Variants in DGKB observed in about 807,000 individuals in gnomAD.
DGKB encodes 90 kDa diacylglycerol kinase.
DGKB carries 67 observed loss-of-function variants against 114.3 expected under a neutral mutation model. The ratio of observed to expected loss-of-function variants is 0.59; its 90% CI spans 0.48 to 0.72. DGKB has a LOEUF of 0.72. DGKB is among the 30% of genes least tolerant of loss of function. The pLI, the probability that DGKB is intolerant of heterozygous loss-of-function variation, is 0.00. For synonymous variants in DGKB, 398 were observed against 323.1 expected (o/e 1.23, Z -2.49); for missense variants, 907 against 975.2 (o/e 0.93, Z 0.93).
At chr7:14,789,485 A>C (rs1840362388) in intron 2 of DGKB, among the ~76,000 whole-genome samples, 1 of 152,160 alleles carries the variant, frequency 6.6e-6, no homozygotes, top group African/African-American at 2.4e-5. Context: ...GTCCTTAAGC[A>C]TTCACCAGTT....
At chr7:14,291,358 T>C (rs887317110) in intron 23 of DGKB, among the ~76,000 whole-genome samples, 1 of 152,158 alleles carries the variant, frequency 6.6e-6, no homozygotes, top group African/African-American at 2.4e-5. Context: ...CAACTTCCTT[T>C]CTTGCAAATT....
intron 2 of DGKB, among the ~76,000 whole-genome samples, chr7:14,807,589 ATTG>A (rs1302167814): frequency 6.6e-6 from 1 of 152,014 alleles, no homozygotes; most frequent in African/African-American, 2.4e-5. Context: ...TAAGATCAGT[ATTG>A]TTGTGTTTCA....
At chr7:14,363,159 A>G (rs1019906) in intron 21 of DGKB, among the ~76,000 whole-genome samples, 76,465 of 152,028 alleles carry the variant, frequency 0.5, 20,807 homozygotes, top group African/African-American at 0.72. Context: ...AAACTGCCAG[A>G]CTAATTGACA....
chr7:14,875,519 G>A (rs1445973056), intron 1 of DGKB, among the ~76,000 whole-genome samples: 2 of 152,108 alleles, frequency 1.3e-5, no homozygotes, highest in Non-Finnish European at 2.9e-5. Flanking sequence ...AATGTCTTTT[G>A]CTTTCACCTT....
chr7:14,176,826 A>G lies in DGKB; in HGVS notation c.2304+13T>C. The stretch of plus-strand genomic sequence containing the variant: ...CTGAGATTGACATAGCATATCAACT[A>G]CTCTGTACTCACTGTGCATGGGGTC... On this transcript the variant is annotated intron_variant, in intron 25 of 25. Transcript: ENST00000402815. 1 of 1,613,478 alleles carries G rather than the reference A, an allele frequency of 6.2e-7. No individual in the cohort carries two copies. Among genetic ancestry groups the G allele is most frequent in the African/African-American group, 1.3e-5 (1 of 75,024 alleles).
At chr7:14,460,005 G>C (rs552075130) in intron 21 of DGKB, among the ~76,000 whole-genome samples, 1 of 152,058 alleles carries the variant, frequency 6.6e-6, no homozygotes, top group African/African-American at 2.4e-5. Flanking sequence ...ACTAAGCTTC[G>C]TAAGGGAAGG....
intron 1 of DGKB, among the ~76,000 whole-genome samples, chr7:14,935,043 G>C (rs1446070799): frequency 6.6e-6 from 1 of 152,148 alleles, no homozygotes; most frequent in African/African-American, 2.4e-5. Flanking sequence ...GTACAGGAAA[G>C]CATTCAAGTG....
intron 21 of DGKB, among the ~76,000 whole-genome samples, chr7:14,431,727 CAAATT>C (rs888078533): frequency 6.6e-6 from 1 of 151,988 alleles, no homozygotes. Context: ...ATCCAATAAT[CAAATT>C]AAGTTTTATC....
intron 2 of DGKB, among the ~76,000 whole-genome samples, chr7:14,786,077 A>G (rs1287030914): frequency 6.6e-6 from 1 of 152,076 alleles, no homozygotes. Context: ...GCAATTGTAC[A>G]GAGATTTCCT....
chr7:14,426,235 C>G (rs1049155614), intron 21 of DGKB, among the ~76,000 whole-genome samples: 1 of 152,160 alleles, frequency 6.6e-6, no homozygotes, highest in Non-Finnish European at 1.5e-5. Context: ...ATTGGAGATG[C>G]TGGCTCATTG....
chr7:14,185,729 T>A (rs1175700759), intron 23 of DGKB, among the ~76,000 whole-genome samples: 3 of 152,184 alleles, frequency 2.0e-5, no homozygotes, highest in African/African-American at 7.2e-5. Flanking sequence ...TACAGCCAAC[T>A]GATCTTTGAC....
intron 2 of DGKB, among the ~76,000 whole-genome samples, chr7:14,804,918 A>G (rs1346767501): frequency 6.6e-6 from 1 of 151,796 alleles, no homozygotes; most frequent in Non-Finnish European, 1.5e-5. Context: ...ATCTATTTAT[A>G]TGTTTTCTTT....
chr7:14,478,299 A>G, intron 20 of DGKB, 74 bp from the exon 21 acceptor site: 1 of 878,396 alleles, frequency 1.1e-6, no homozygotes, highest in Non-Finnish European at 1.7e-6. Flanking sequence ...TAGACTAAAT[A>G]AAAAAATAAC....
intron 20 of DGKB, among the ~76,000 whole-genome samples, chr7:14,546,650 T>C (rs1381818023): frequency 6.6e-6 from 1 of 152,138 alleles, no homozygotes; most frequent in African/African-American, 2.4e-5. Flanking sequence ...CGGGAGCATC[T>C]GAGGCAAGCA....
At chr7:14,737,965 T>C (rs1035444065) in intron 4 of DGKB, among the ~76,000 whole-genome samples, 4 of 150,842 alleles carry the variant, frequency 2.7e-5, no homozygotes, top group Non-Finnish European at 4.4e-5. Flanking sequence ...CTCTGAGTAA[T>C]ATAAAAAATG....
intron 23 of DGKB, among the ~76,000 whole-genome samples, chr7:14,237,931 A>G (rs1206251353): frequency 6.6e-6 from 1 of 152,086 alleles, no homozygotes; most frequent in Non-Finnish European, 1.5e-5. Context: ...GATAATTATT[A>G]AAGGCCATTT....
intron 1 of DGKB, among the ~76,000 whole-genome samples, chr7:14,880,634 C>G (rs954233401): frequency 6.6e-6 from 1 of 152,110 alleles, no homozygotes; most frequent in African/African-American, 2.4e-5. Context: ...AGACTTTGAG[C>G]AGGGAAGCTG....
chr7:14,839,583 A>G (rs1455395694), intron 2 of DGKB, among the ~76,000 whole-genome samples: 3 of 150,594 alleles, frequency 2.0e-5, no homozygotes, highest in South Asian at 4.2e-4. Flanking sequence ...TTTTTTTTCC[A>G]TAGAGACAGG....
chr7:14,554,707 A>G (rs1379018381), intron 20 of DGKB, among the ~76,000 whole-genome samples: 1 of 152,142 alleles, frequency 6.6e-6, no homozygotes, highest in Non-Finnish European at 1.5e-5. Context: ...ACTGATAGAG[A>G]TCATCAGTCT....
Sources: gnomAD v4.1 joint callset for allele counts (sites outside exome capture counted in the v4.1 genomes callset) on GRCh38, gnomAD v4.1.1 for gene constraint, MANE v1.5 for transcripts, NCBI Gene and HGNC (gene_info 2026-07-23, HGNC 2026-07-21) for gene names.